The following MACROD1 variants were observed in gnomAD, a reference collection of about 807,000 sequenced individuals.
MACROD1 encodes ADP-ribose glycohydrolase MACROD1.
A neutral mutation model predicts 41.4 loss-of-function variants in MACROD1; 31 were observed. The observed-to-expected ratio is 0.75, with a 90% CI of 0.56 to 1.01. The LOEUF (loss-of-function observed/expected upper bound fraction) is 1.01, where lower values mean the gene tolerates loss of function less well. Ranked by LOEUF, MACROD1 falls within the 50% of genes least tolerant of loss-of-function variation. The pLI is 0.00. For missense variants in MACROD1, 473 were observed against 460.0 expected, an observed-to-expected ratio of 1.03 and a Z score of -0.26; for synonymous variants, 252 against 203.4, an observed-to-expected ratio of 1.24 and a Z score of -2.03.
intron 3 of MACROD1, among the ~76,000 whole-genome samples, chr11:64,107,345 A>G (rs1211308038): frequency 8.6e-6 from 1 of 115,782 alleles, no homozygotes; most frequent in Non-Finnish European, 1.8e-5. Flanking sequence ...TCATCCCCCC[A>G]CCCCCTCCTG....
intron 3 of MACROD1, among the ~76,000 whole-genome samples, chr11:64,070,409 C>T (rs1052814416): frequency 1.3e-5 from 2 of 152,168 alleles, no homozygotes; most frequent in African/African-American, 4.8e-5. Context: ...GAGCCGGCCA[C>T]GCCTCTCCAG....
chr11:64,118,102 T>C lies in MACROD1; in HGVS notation c.517+33137A>G, dbSNP rs754101584. On this transcript the variant is annotated intron_variant, in intron 3 of 10. Coordinates refer to ENST00000255681, the MANE Select transcript of MACROD1 (RefSeq NM_014067.4). ...GGGACCAAGAAGGATAACTCCATCC[T>C]GGAAATCCGCGGCCCTGGGCTGCAG... 39 of 1,611,386 alleles carry C rather than the reference T, an allele frequency of 2.4e-5. No homozygotes were observed. The East Asian group carries it at 8.0e-4, about 33-fold the overall frequency.
chr11:64,084,368 C>T (rs1325077710), intron 3 of MACROD1, among the ~76,000 whole-genome samples: 1 of 152,150 alleles, frequency 6.6e-6, no homozygotes, highest in African/African-American at 2.4e-5. Context: ...GCTCTGCCCA[C>T]GTGCATTTCC....
intron 1 of MACROD1, among the ~76,000 whole-genome samples, chr11:64,158,891 A>G (rs1590981014): frequency 6.6e-6 from 1 of 152,178 alleles, no homozygotes. Flanking sequence ...AGGGTATTCA[A>G]TTAGAGAAAG....
At chr11:64,025,710 C>A (rs4980519) in intron 3 of MACROD1, among the ~76,000 whole-genome samples, 9,153 of 124,710 alleles carry the variant, frequency 0.073, 506 homozygotes, top group South Asian at 0.3. Context: ...TCTCATGGGC[C>A]CCCCCCGCTC....
At chr11:64,142,609 G>A (rs1466894441) in intron 3 of MACROD1, among the ~76,000 whole-genome samples, 1 of 152,218 alleles carries the variant, frequency 6.6e-6, no homozygotes, top group Non-Finnish European at 1.5e-5. Context: ...ATTCAGGAGG[G>A]ATCCATCATT....
rs548204481 is a variant in MACROD1 at position 64,136,184 on chromosome 11, C to T, written c.517+15055G>A. Among the ~76,000 whole-genome samples the T allele has an allele frequency of 4.9e-4, 74 of 152,364 alleles. 1 individual carries two copies. Among genetic ancestry groups the T allele is most frequent in the African/African-American group, 1.6e-3 (66 of 41,580 alleles). On this transcript the variant is annotated intron_variant, in intron 3 of 10. Coordinates refer to ENST00000255681, the MANE Select transcript of MACROD1 (RefSeq NM_014067.4). ...CCTCAAGCTCTCCAGACACACCCAT[C>T]CTGGGCTGTCACCAAGTTCACTAAC... is the stretch of plus-strand genomic sequence containing the variant.
chr11:64,159,177 G>A (rs928984757), intron 1 of MACROD1, among the ~76,000 whole-genome samples: 6 of 151,958 alleles, frequency 3.9e-5, no homozygotes, highest in African/African-American at 7.3e-5. Context: ...AAAATTAGCC[G>A]GTGTGGTGGC....
At chr11:64,027,690 C>T (rs1472094388) in intron 3 of MACROD1, among the ~76,000 whole-genome samples, 1 of 152,126 alleles carries the variant, frequency 6.6e-6, no homozygotes, top group Admixed American at 6.5e-5. Context: ...ATAGCCTCCC[C>T]CTGGCCCCCA....
At chr11:64,124,677 T>G (rs1327664156) in intron 3 of MACROD1, among the ~76,000 whole-genome samples, 2 of 151,862 alleles carry the variant, frequency 1.3e-5, no homozygotes, top group African/African-American at 2.4e-5. Flanking sequence ...GAGCAAAGCC[T>G]GGTCTTTTTC....
chr11:64,116,011 A>G (rs1944971932), intron 3 of MACROD1, among the ~76,000 whole-genome samples: 1 of 152,182 alleles, frequency 6.6e-6, no homozygotes, highest in South Asian at 2.1e-4. Flanking sequence ...CATTAGCCAG[A>G]TGTTGTTAGA....
rs535887485 is a variant in MACROD1, at chr11:64,018,378, G to A, written c.518-3097C>T. 1.8e-4 allele frequency among the ~76,000 whole-genome samples: 27 copies of A among 152,314 alleles called. 1 individual carries two copies. The South Asian group carries it at 5.6e-3, about 32-fold the overall frequency. On this transcript the variant is annotated intron_variant, in intron 3 of 10. Transcript: ENST00000255681. Reference sequence around the variant, plus strand: ...CCTGGGCCCCCGTTCTGGCCCCTGGGCCTCGACACCAAGCCACATGGTTCC... The same window carrying A: ...CCTGGGCCCCCGTTCTGGCCCCTGGACCTCGACACCAAGCCACATGGTTCC...
chr11:64,016,075 G>A (rs1427386363), intron 3 of MACROD1, among the ~76,000 whole-genome samples: 1 of 152,210 alleles, frequency 6.6e-6, no homozygotes, highest in Non-Finnish European at 1.5e-5. Context: ...TTGGACTAGG[G>A]GTAGTGCTGC....
intron 3 of MACROD1, among the ~76,000 whole-genome samples, chr11:64,108,327 A>AAG: frequency 6.6e-6 from 1 of 151,938 alleles, no homozygotes; most frequent in East Asian, 1.9e-4. Context: ...AAAAAAAAAA[A>AAG]AAGACTTGAG....
intron 10 of MACROD1, 23 bp from the exon 11 acceptor site, chr11:63,998,710 G>A: frequency 7.2e-7 from 1 of 1,395,202 alleles, no homozygotes; most frequent in Non-Finnish European, 9.3e-7. Flanking sequence ...CAGAGTCAGA[G>A]GTGTCTATGG....
Position 64,146,626 on chromosome 11 carries a change from TC to T in MACROD1, c.517+4612del, listed in dbSNP as rs1945499416. 6.6e-6 allele frequency among the ~76,000 whole-genome samples: 1 copy of T among 151,906 alleles called. No homozygotes were observed. Among genetic ancestry groups the T allele is most frequent in the Non-Finnish European group, 1.5e-5 (1 of 67,970 alleles). On this transcript the variant is annotated intron_variant, in intron 3 of 10. Coordinates refer to ENST00000255681, the MANE Select transcript of MACROD1 (RefSeq NM_014067.4). This position sits in a 1 kb window ranked among gnomAD's most constrained non-coding sequence, Gnocchi z 4.7. ...AGCCCTGCCACCCGCCAGCCAGGCA[TC>T]CCCACTTCTATGCTTCTGCCCAACC...
intron 1 of MACROD1, among the ~76,000 whole-genome samples, chr11:64,155,438 A>G (rs138973739): frequency 1.3e-5 from 2 of 152,238 alleles, no homozygotes; most frequent in African/African-American, 4.8e-5. Flanking sequence ...TGACCTCCCA[A>G]CACCATGCTC....
chr11:64,117,307 C>T lies in MACROD1; in HGVS notation c.517+33932G>A, dbSNP rs202104543. On this transcript the variant is annotated intron_variant, in intron 3 of 10. Transcript: ENST00000255681. ...CTGCGGGACTGGGTGAAGGCACGGG[C>T]GGCCGTGGTCAACGTGCGGGGCCTC... The T allele has an allele frequency of 2.1e-5, 34 of 1,613,994 alleles. No homozygotes were observed. Among genetic ancestry groups the T allele is most frequent in the Middle Eastern group, 1.6e-4 (1 of 6,084 alleles).
intron 8 of MACROD1, 108 bp downstream of exon 8, chr11:63,999,223 G>A (rs1284272072): frequency 3.9e-5 from 55 of 1,424,956 alleles, no homozygotes; most frequent in Non-Finnish European, 4.9e-5. Flanking sequence ...AGGGAAGGAA[G>A]GGGCGGGCCT....
Sources: allele counts gnomAD v4.1 joint callset (sites outside exome capture counted in the v4.1 genomes callset), GRCh38; gene constraint gnomAD v4.1.1; non-coding constraint Gnocchi (gnomAD v3.1); transcripts MANE v1.5; gene names NCBI Gene and HGNC (gene_info 2026-07-23, HGNC 2026-07-21).